The following KIF24 variants were observed in gnomAD, a reference collection of about 807,000 sequenced individuals.
KIF24 encodes kinesin-like protein KIF24.
KIF24 carries 81 observed loss-of-function variants against 118.9 expected under a neutral mutation model. That is an observed-to-expected ratio of 0.68 (90% CI 0.57 to 0.82). The LOEUF (loss-of-function observed/expected upper bound fraction) is 0.82. KIF24 is among the 40% of genes least tolerant of loss of function. The probability of loss-of-function intolerance (pLI) is 0.00; values close to 1 mark genes in which losing one functional copy is unlikely to be tolerated. For synonymous variants in KIF24, 599 were observed against 610.0 expected, an observed-to-expected ratio of 0.98 and a Z score of 0.27; for missense variants, 1,560 against 1,661.6, an observed-to-expected ratio of 0.94 and a Z score of 1.06.
chr9:34,272,255 C>G (rs973501787), intron 6 of KIF24, among the ~76,000 whole-genome samples: 4 of 152,160 alleles, frequency 2.6e-5, no homozygotes, highest in African/African-American at 7.2e-5. Context: ...GGCTCCAAAG[C>G]AAGGACTCCT....
chr9:34,293,890 G>T (rs11792590), intron 4 of KIF24, among the ~76,000 whole-genome samples: 72,267 of 152,178 alleles, frequency 0.47, 20,120 homozygotes, highest in South Asian at 0.64. Context: ...CCTGACGATA[G>T]CAGATATTGC....
intron 1 of KIF24, among the ~76,000 whole-genome samples, chr9:34,321,599 TCTTC>T (rs1837525424): frequency 8.1e-6 from 1 of 122,938 alleles, no homozygotes; most frequent in Non-Finnish European, 1.8e-5. Context: ...CATACATACT[TCTTC>T]TTTTTTTTTT....
chr9:34,287,834 T>G (rs1284639375), intron 5 of KIF24, among the ~76,000 whole-genome samples: 1 of 151,166 alleles, frequency 6.6e-6, no homozygotes, highest in African/African-American at 2.4e-5. Context: ...AGTTTGAGGC[T>G]GTAGTACGCT....
chr9:34,263,313 T>C, intron 8 of KIF24, 141 bp from the exon 9 acceptor site: 3 of 680,046 alleles, frequency 4.4e-6, no homozygotes, highest in Non-Finnish European at 8.1e-6. Context: ...AAATGGCCTG[T>C]AGTTTCCATT....
At chr9:34,284,245 G>A (rs1326137058) in intron 6 of KIF24, among the ~76,000 whole-genome samples, 1 of 152,032 alleles carries the variant, frequency 6.6e-6, no homozygotes, top group African/African-American at 2.4e-5. Context: ...ACTCCAGCCT[G>A]GGCTGGACAG....
chr9:34,259,422 T>C (rs762124791), intron 10 of KIF24, among the ~76,000 whole-genome samples, 174 bp downstream of exon 10: 3 of 152,234 alleles, frequency 2.0e-5, no homozygotes, highest in Non-Finnish European at 4.4e-5. Context: ...AAATGACTAA[T>C]TGCCAAGAAC....
chr9:34,306,656 G>C (rs182798141), intron 2 of KIF24, among the ~76,000 whole-genome samples: 2 of 152,216 alleles, frequency 1.3e-5, no homozygotes, highest in Non-Finnish European at 2.9e-5. Context: ...CAAAAAATTA[G>C]CCAGGCATAG....
intron 9 of KIF24, among the ~76,000 whole-genome samples, chr9:34,262,705 T>C: frequency 1.8e-5 from 1 of 54,132 alleles, no homozygotes; most frequent in Non-Finnish European, 3.2e-5. Flanking sequence ...TATATATATA[T>C]ATATATATGG....
intron 3 of KIF24, among the ~76,000 whole-genome samples, chr9:34,298,075 G>T (rs1054693679): frequency 2.6e-5 from 4 of 152,070 alleles, no homozygotes; most frequent in African/African-American, 9.7e-5. Context: ...TGGACCACAG[G>T]GGAAGAAGAG....
rs552590294 is a variant in KIF24, at chr9:34,270,474, C to T, written c.1338-1112G>A. Among the ~76,000 whole-genome samples the T allele has an allele frequency of 6.7e-5, 10 of 148,990 alleles. No homozygotes were observed. The South Asian group carries it at 2.1e-3, about 32-fold the overall frequency. ...GAGCTTGCAGTGAGCCGAGATTGTG[C>T]TACTGCACTCCAGCCTGGGCAATAG... On this transcript the variant is annotated intron_variant, in intron 7 of 12. Coordinates refer to ENST00000402558, the MANE Select transcript of KIF24 (RefSeq NM_194313.4).
At chr9:34,311,976 A>G (rs1272587449) in intron 1 of KIF24, among the ~76,000 whole-genome samples, 1 of 152,170 alleles carries the variant, frequency 6.6e-6, no homozygotes, top group South Asian at 2.1e-4. Flanking sequence ...ATGTCAAGGC[A>G]TGCTGCACAA....
upstream of KIF24, among the ~76,000 whole-genome samples, chr9:34,332,818 G>A (rs1221150896): frequency 6.6e-6 from 1 of 152,178 alleles, no homozygotes; most frequent in South Asian, 2.1e-4. Context: ...TGGTAGTTGG[G>A]GCTTTTCTTT....
At position 34,311,127 on chromosome 9, in the gene KIF24, G is replaced by C; in HGVS notation, c.220C>G (p.Pro74Ala). The part of the protein sequence containing the change: ...MQEEDKAVSI[P>A]ERHLQTSSLR... ...CTGCTTGTCTGAAGATGACGCTCTG[G>C]GATACTGACTGCTTTATCTTCTTCT... The change falls in exon 2 of 13, where the codon CCA becomes GCA. Residue 74 changes from proline (P) to alanine (A), a missense_variant. Physicochemically the swap from Pro to Ala is conservative, Grantham distance 27. Transcript: ENST00000402558. 2 of 1,613,616 alleles carry C rather than the reference G, an allele frequency of 1.2e-6. No homozygotes were observed. Among genetic ancestry groups the C allele is most frequent in the Non-Finnish European group, 1.7e-6 (2 of 1,179,668 alleles).
At chr9:34,319,060 G>A in intron 1 of KIF24, 1 of 1,297,582 alleles carries the variant, frequency 7.7e-7, no homozygotes, top group Non-Finnish European at 1.1e-6. Flanking sequence ...ACAAGATGGT[G>A]GAAAACCGTG....
chr9:34,271,781 A>G, intron 7 of KIF24, 28 bp downstream of exon 7: 1 of 1,611,294 alleles, frequency 6.2e-7, no homozygotes, highest in African/African-American at 1.3e-5. Context: ...AAGGCAGACA[A>G]TGTAACTCCC....
At chr9:34,254,646 TG>T in intron 12 of KIF24, 126 bp from the exon 13 acceptor site, 2 of 929,276 alleles carry the variant, frequency 2.2e-6, no homozygotes, top group Non-Finnish European at 3.3e-6. Context: ...CGGGAGAACA[TG>T]TAGGATAGTT....
intron 10 of KIF24, among the ~76,000 whole-genome samples, chr9:34,259,219 AT>A (rs1352158067): frequency 6.6e-6 from 1 of 152,230 alleles, no homozygotes; most frequent in Non-Finnish European, 1.5e-5. Flanking sequence ...GACAAGTAAT[AT>A]GTCTTCTATC....
At chr9:34,254,713 G>A (rs1052677789) in intron 12 of KIF24, among the ~76,000 whole-genome samples, 193 bp from the exon 13 acceptor site, 13 of 152,084 alleles carry the variant, frequency 8.5e-5, no homozygotes, top group African/African-American at 3.1e-4. Context: ...TCCAAGCAGA[G>A]GAGTATTTTG....
intron 1 of KIF24, among the ~76,000 whole-genome samples, chr9:34,311,811 T>C (rs186592360): frequency 6.6e-5 from 10 of 150,418 alleles, no homozygotes; most frequent in African/African-American, 1.9e-4. Context: ...TATATACACA[T>C]AGATACACAA....
Sources: gnomAD v4.1 joint callset for allele counts (sites outside exome capture counted in the v4.1 genomes callset) on GRCh38, gnomAD v4.1.1 for gene constraint, MANE v1.5 for transcripts, NCBI Gene and HGNC (gene_info 2026-07-23, HGNC 2026-07-21) for gene names.